YTHDC2: variants seen among roughly 807,000 people sequenced by gnomAD.
The protein encoded by YTHDC2 is YTH N6-methyladenosine RNA binding protein C2.
Under a neutral mutation model 174.9 loss-of-function variants are expected in YTHDC2, and 45 were observed. The observed-to-expected ratio is 0.26, with a 90% CI of 0.20 to 0.33. The LOEUF (loss-of-function observed/expected upper bound fraction) is 0.33, where lower values mean the gene tolerates loss of function less well. Among genes scored for constraint, YTHDC2 ranks in the 10% least tolerant of loss-of-function variants. YTHDC2 has a pLI of 1.00. For synonymous variants in YTHDC2, 657 were observed against 574.5 expected (o/e 1.14, Z -2.05); for missense variants, 1,650 against 1,723.7 (o/e 0.96, Z 0.76).
At position 113,553,791 on chromosome 5, in the gene YTHDC2, A is replaced by G. The variant is rs1312286751; in HGVS notation, c.1989A>G (p.Ser663=). ...GATACCAAGTCTTTATGCTTCATTC[A>G]AATATGCAAACATCCGATCAAAAGA... ...THRYQVFMLH[S]NMQTSDQKKV... Residue 663 remains serine, a synonymous_variant, in exon 15 of 30, where the codon TCA becomes TCG. Transcript: ENST00000161863. 6.2e-7 allele frequency: 1 copy of G among 1,612,660 alleles called. No individual in the cohort carries two copies. The highest frequency in any genetic ancestry group is 1.1e-5 in the South Asian group (1 of 90,808).
intron 2 of YTHDC2, 60 bp from the exon 3 acceptor site, chr5:113,524,921 A>G: frequency 1.6e-6 from 2 of 1,237,098 alleles, no homozygotes; most frequent in Non-Finnish European, 2.2e-6. Flanking sequence ...AAGTGGGCAT[A>G]CATCATATGT....
chr5:113,564,246 C>A, intron 20 of YTHDC2, 115 bp downstream of exon 20: 1 of 1,183,872 alleles, frequency 8.4e-7, no homozygotes, highest in Non-Finnish European at 1.1e-6. Context: ...AATTTTGTTT[C>A]ATTATGAAGT....
chr5:113,570,166 A>T (rs1777625788), intron 23 of YTHDC2, among the ~76,000 whole-genome samples: 1 of 151,990 alleles, frequency 6.6e-6, no homozygotes, highest in Admixed American at 6.6e-5. Flanking sequence ...GCACAATCTC[A>T]GCTCACTGTA....
In YTHDC2 at chr5:113,542,479, C is replaced by G; in HGVS notation, c.1471C>G (p.Leu491Val). Reference sequence around the variant, plus strand: ...TGATGCCTTTGCTCAGGTCTTTCATCTCATTTTAACTGAAAATGTTAGTGG... The same window carrying G: ...TGATGCCTTTGCTCAGGTCTTTCATGTCATTTTAACTGAAAATGTTAGTGG... ...DIDAFAQVFH[L>V]ILTENVSVDY... Residue 491 changes from leucine (L) to valine (V), a missense_variant, in exon 10 of 30, where the codon CTC becomes GTC. Coordinates refer to ENST00000161863, the MANE Select transcript of YTHDC2 (RefSeq NM_022828.5). The G allele has an allele frequency of 6.2e-7, 1 of 1,602,900 alleles. No homozygotes were observed. The highest frequency in any genetic ancestry group is 1.1e-5 in the South Asian group (1 of 87,092).
At chr5:113,588,904 C>T (rs189686465) in intron 26 of YTHDC2, among the ~76,000 whole-genome samples, 38 of 152,176 alleles carry the variant, frequency 2.5e-4, no homozygotes, top group Admixed American at 5.9e-4. Flanking sequence ...GGATTGCACG[C>T]GTGAGCCACC....
intron 23 of YTHDC2, among the ~76,000 whole-genome samples, chr5:113,578,544 C>G (rs1561699253): frequency 6.6e-6 from 1 of 152,086 alleles, no homozygotes. Context: ...CTTCCTTGGA[C>G]TAAGTGTGAT....
At chr5:113,570,796 G>A (rs766233856) in intron 23 of YTHDC2, among the ~76,000 whole-genome samples, 2 of 151,842 alleles carry the variant, frequency 1.3e-5, no homozygotes, top group East Asian at 1.9e-4. Flanking sequence ...GATTACAGAC[G>A]TCTGCCACCA....
intron 25 of YTHDC2, chr5:113,583,524 G>A (rs10071684): frequency 0.16 from 24,112 of 151,734 alleles, 2,074 homozygotes; most frequent in Non-Finnish European, 0.2. Context: ...TCACTGTGTC[G>A]CCCAGGCTGG....
At chr5:113,568,680 C>G (rs1467618589) in intron 23 of YTHDC2, among the ~76,000 whole-genome samples, 1 of 152,158 alleles carries the variant, frequency 6.6e-6, no homozygotes. Context: ...CAACTTCAGC[C>G]ATGTCCCTGC....
At chr5:113,536,777 T>G in intron 7 of YTHDC2, among the ~76,000 whole-genome samples, 1 of 72,788 alleles carries the variant, frequency 1.4e-5, no homozygotes, top group African/African-American at 1.2e-4. Context: ...ATGTTAACAG[T>G]GTTTTATATA....
rs1277645617 is a variant in YTHDC2, at chr5:113,569,541, C to T, written c.3244+1692C>T. On this transcript the variant is annotated intron_variant, in intron 23 of 29. Transcript: ENST00000161863. ...TTGTCGAAGGTGTTAGGAAGGGGCCCAGTTTCAGTTTTCTGCATATAGCTA... is the reference window on the plus strand; with the variant it reads ...TTGTCGAAGGTGTTAGGAAGGGGCCTAGTTTCAGTTTTCTGCATATAGCTA... 5.3e-5 allele frequency among the ~76,000 whole-genome samples: 8 copies of T among 152,122 alleles called. No individual in the cohort carries two copies. The South Asian group carries it at 1.5e-3, about 28-fold the overall frequency.
At chr5:113,537,404 T>G (rs1775158511) in intron 7 of YTHDC2, among the ~76,000 whole-genome samples, 1 of 151,366 alleles carries the variant, frequency 6.6e-6, no homozygotes, top group Non-Finnish European at 1.5e-5. Context: ...TGCTGTAGTT[T>G]GTTTGATAAC....
chr5:113,556,703 G>T (rs1314478442), intron 17 of YTHDC2, among the ~76,000 whole-genome samples: 1 of 152,180 alleles, frequency 6.6e-6, no homozygotes, highest in African/African-American at 2.4e-5. Context: ...ACTGATGGGA[G>T]TATAGATTGG....
At position 113,542,428 on chromosome 5, in the gene YTHDC2, T is replaced by G. The variant is rs751099348; in HGVS notation, c.1420T>G (p.Ser474Ala). Reference sequence around the variant, plus strand: ...AATAAAGGAAATGGATGCTTGCCTTTCTGATATATGGCTACATAAAGATAT... The same window carrying G: ...AATAAAGGAAATGGATGCTTGCCTTGCTGATATATGGCTACATAAAGATAT... ...WLIKEMDACL[S>A]DIWLHKDIDA... The change falls in exon 10 of 30, where the codon TCT (serine) becomes GCT (alanine). Residue 474 changes from serine to alanine, a missense_variant. Ser to Ala is a moderately conservative substitution (Grantham distance 99). Coordinates refer to ENST00000161863, the MANE Select transcript of YTHDC2 (RefSeq NM_022828.5). The G allele has an allele frequency of 1.7e-5, 28 of 1,612,980 alleles. 1 individual carries two copies. The highest frequency in any genetic ancestry group is 2.4e-5 in the Non-Finnish European group (28 of 1,179,680).
intron 4 of YTHDC2, among the ~76,000 whole-genome samples, chr5:113,528,297 CTG>C (rs1201578768): frequency 6.6e-6 from 1 of 151,952 alleles, no homozygotes; most frequent in African/African-American, 2.4e-5. Context: ...TAAGAAGAAA[CTG>C]TTAATTTAAT....
intron 2 of YTHDC2, among the ~76,000 whole-genome samples, chr5:113,520,128 G>C (rs6866028): frequency 0.069 from 10,482 of 152,158 alleles, 692 homozygotes; most frequent in African/African-American, 0.16. Context: ...TCAACTGCCA[G>C]TTATGAGTGA....
chr5:113,535,396 T>C (rs922418633), intron 6 of YTHDC2, among the ~76,000 whole-genome samples: 1 of 152,132 alleles, frequency 6.6e-6, no homozygotes, highest in African/African-American at 2.4e-5. Flanking sequence ...AATTTTGGCA[T>C]GGGGGAAGGC....
intron 18 of YTHDC2, among the ~76,000 whole-genome samples, chr5:113,562,310 A>G (rs1321364327): frequency 6.9e-6 from 1 of 144,162 alleles, no homozygotes; most frequent in African/African-American, 2.6e-5. Context: ...TTCTAACTTC[A>G]TGGAACAGCC....
intron 23 of YTHDC2, among the ~76,000 whole-genome samples, chr5:113,568,090 T>A (rs1417942105): frequency 1.3e-5 from 2 of 152,094 alleles, no homozygotes; most frequent in African/African-American, 4.8e-5. Flanking sequence ...TGGGAAGAAA[T>A]TTTTCTTTTC....
Sources: allele counts gnomAD v4.1 joint callset (sites outside exome capture counted in the v4.1 genomes callset), GRCh38; gene constraint gnomAD v4.1.1; transcripts MANE v1.5; gene names NCBI Gene and HGNC (gene_info 2026-07-23, HGNC 2026-07-21).